Variants in ZC3H12B observed in about 807,000 individuals in gnomAD.
ZC3H12B encodes zinc finger CCCH-type containing 12B.
ZC3H12B carries 7 observed loss-of-function variants against 43.9 expected under a neutral mutation model. The ratio of observed to expected loss-of-function variants is 0.16; its 90% confidence interval spans 0.09 to 0.30. The LOEUF is 0.30. Ranked by LOEUF, ZC3H12B falls within the 10% of genes least tolerant of loss-of-function variation. The probability of loss-of-function intolerance (pLI) is 1.00; values close to 1 mark genes in which losing one functional copy is unlikely to be tolerated. For synonymous variants in ZC3H12B, 222 were observed against 241.7 expected (o/e 0.92, Z 0.76); for missense variants, 475 against 670.2 (o/e 0.71, Z 3.22).
At position 65,475,750 on chromosome X, in the gene ZC3H12B, G is replaced by A. The variant is rs146968957; in HGVS notation, n.408-12896G>A. Among the ~76,000 whole-genome samples the A allele has an allele frequency of 2.7e-4, 30 of 111,853 alleles. No homozygotes were observed. In the East Asian group the frequency reaches 5.4e-3, roughly 20 times the overall value. On this transcript the variant is annotated intron_variant and non_coding_transcript_variant, in intron 3 of 5. Transcript: ENST00000617377. Reference sequence around the variant, plus strand: ...GGAGCAAAGTCATGTCTTACATGGCGGCAGGCAAGAGGGTATGTGCAGGGG... The same window carrying A: ...GGAGCAAAGTCATGTCTTACATGGCAGCAGGCAAGAGGGTATGTGCAGGGG...
chrX:65,237,285 C>T, the ZC3H12B span, among the ~76,000 whole-genome samples: 12 of 111,394 alleles, frequency 1.1e-4, no homozygotes, highest in African/African-American at 3.9e-4. Context: ...TCCTTCACCT[C>T]CCCTGTTAGC....
At chrX:65,299,777 T>C in the ZC3H12B span, among the ~76,000 whole-genome samples, 3 of 112,255 alleles carry the variant, frequency 2.7e-5, no homozygotes, top group Non-Finnish European at 5.6e-5. Flanking sequence ...CCTCAGACCC[T>C]TTGAAGAAAG....
intron 2 of ZC3H12B, among the ~76,000 whole-genome samples, chrX:65,372,224 G>A (rs1453516425): frequency 8.9e-6 from 1 of 111,963 alleles, no homozygotes; most frequent in African/African-American, 3.2e-5. Context: ...TCCAGCAAAA[G>A]TATTTTAGAT....
the ZC3H12B span, among the ~76,000 whole-genome samples, chrX:65,319,698 A>T: frequency 9.0e-6 from 1 of 111,528 alleles, no homozygotes; most frequent in Non-Finnish European, 1.9e-5. Flanking sequence ...AACCGAATCT[A>T]GCAGCACATC....
At chrX:65,201,455 C>T in the ZC3H12B span, among the ~76,000 whole-genome samples, 6 of 111,317 alleles carry the variant, frequency 5.4e-5, no homozygotes, top group South Asian at 3.7e-4. Flanking sequence ...CTTTATTAGT[C>T]TAGCTAGTGG....
the ZC3H12B span, among the ~76,000 whole-genome samples, chrX:65,157,356 T>C: frequency 8.9e-6 from 1 of 112,502 alleles, no homozygotes; most frequent in Non-Finnish European, 1.9e-5. Flanking sequence ...TTTTCAGCCT[T>C]CCTTACTTTC....
chrX:65,359,034 T>C, the ZC3H12B span, among the ~76,000 whole-genome samples: 5 of 111,603 alleles, frequency 4.5e-5, no homozygotes, highest in African/African-American at 1.6e-4. Context: ...TTAAGAGTTA[T>C]GCTAAATCTA....
intron 1 of ZC3H12B, among the ~76,000 whole-genome samples, chrX:65,368,126 C>T (rs188458703): frequency 5.6e-4 from 63 of 112,049 alleles, no homozygotes; most frequent in Admixed American, 4.9e-3. Context: ...TTTTAATGTT[C>T]TCAAAATGAC....
At chrX:65,325,381 G>T in the ZC3H12B span, among the ~76,000 whole-genome samples, 1 of 111,187 alleles carries the variant, frequency 9.0e-6, no homozygotes, top group Non-Finnish European at 1.9e-5. Flanking sequence ...GCTAAAACTG[G>T]TAAACAAATT....
At chrX:65,409,329 A>C (rs1290381695) in intron 3 of ZC3H12B, among the ~76,000 whole-genome samples, 1 of 111,442 alleles carries the variant, frequency 9.0e-6, no homozygotes, top group Non-Finnish European at 1.9e-5. Flanking sequence ...ACAGCTCCAC[A>C]GCAAGTATCA....
At chrX:65,447,131 C>G (rs1276744411) in intron 3 of ZC3H12B, among the ~76,000 whole-genome samples, 1 of 111,504 alleles carries the variant, frequency 9.0e-6, no homozygotes, top group Non-Finnish European at 1.9e-5. Context: ...TAATCTCCCT[C>G]TTCTCCTTCT....
the ZC3H12B span, among the ~76,000 whole-genome samples, chrX:65,152,443 CAG>C: frequency 9.0e-6 from 1 of 111,422 alleles, no homozygotes; most frequent in South Asian, 3.8e-4. Flanking sequence ...CAATAACAGA[CAG>C]AGAGCCAAAT....
intron 3 of ZC3H12B, among the ~76,000 whole-genome samples, chrX:65,451,445 G>A (rs1218588643): frequency 1.8e-5 from 2 of 110,792 alleles, no homozygotes; most frequent in Non-Finnish European, 1.9e-5. Flanking sequence ...GATTTATATT[G>A]CTATTTTGAT....
chrX:65,146,798 T>TC, the ZC3H12B span, among the ~76,000 whole-genome samples: 4 of 111,487 alleles, frequency 3.6e-5, no homozygotes, highest in Non-Finnish European at 7.5e-5. Context: ...CTTCACAGAG[T>TC]CCTATGATGT....
the ZC3H12B span, among the ~76,000 whole-genome samples, chrX:65,190,201 C>A: frequency 4.5e-5 from 5 of 110,234 alleles, no homozygotes; most frequent in East Asian, 2.9e-4. Flanking sequence ...GTTACTGTAG[C>A]CTTGTAGTAT....
At position 65,399,525 on chromosome X, in the gene ZC3H12B, G is replaced by A. The variant is rs143181828; in HGVS notation, n.407+821G>A. ...AAAATGACTTTTATTCAAAAGACAG[G>A]CAATAACAAATGCTGGCGAGAATGT... On this transcript the variant is annotated intron_variant and non_coding_transcript_variant, in intron 3 of 5. Coordinates refer to the ZC3H12B transcript ENST00000617377. 6.0e-3 allele frequency among the ~76,000 whole-genome samples: 669 copies of A among 111,561 alleles called. 4 individuals carry two copies. Among genetic ancestry groups the A allele is most frequent in the Non-Finnish European group, 9.5e-3 (502 of 52,981 alleles).
upstream of ZC3H12B, among the ~76,000 whole-genome samples, chrX:65,484,023 T>C (rs2068094982): frequency 8.9e-6 from 1 of 112,363 alleles, no homozygotes; most frequent in African/African-American, 3.2e-5. Flanking sequence ...TTAAGTTGAA[T>C]GTCTTTGCTA....
chrX:65,371,745 A>G (rs963883551), intron 2 of ZC3H12B, among the ~76,000 whole-genome samples: 10 of 112,084 alleles, frequency 8.9e-5, no homozygotes, highest in African/African-American at 3.2e-4. Flanking sequence ...TCATTTGAAG[A>G]AAGTGGTTAT....
chrX:65,317,364 C>A, the ZC3H12B span, among the ~76,000 whole-genome samples: 1 of 110,409 alleles, frequency 9.1e-6, no homozygotes. Flanking sequence ...ATGGAAATTA[C>A]ACAACCTACT....
Sources: allele counts gnomAD v4.1 joint callset (sites outside exome capture counted in the v4.1 genomes callset), GRCh38; gene constraint gnomAD v4.1.1; transcripts MANE v1.5; gene names NCBI Gene and HGNC (gene_info 2026-07-23, HGNC 2026-07-21).